The following NOD1 variants were observed in gnomAD, a reference collection of about 807,000 sequenced individuals.
NOD1 encodes the protein nucleotide-binding oligomerization domain-containing protein 1.
NOD1 carries 70 observed loss-of-function variants against 81.2 expected under a neutral mutation model. The ratio of observed to expected loss-of-function variants is 0.86; its 90% confidence interval spans 0.71 to 1.05. The LOEUF is 1.05. Ranked by LOEUF, NOD1 falls within the 50% of genes least tolerant of loss-of-function variation. The pLI is 0.00. For synonymous variants in NOD1, 508 were observed against 526.9 expected, an observed-to-expected ratio of 0.96 and a Z score of 0.49; for missense variants, 1,233 against 1,228.0, an observed-to-expected ratio of 1.00 and a Z score of -0.06.
chr7:30,446,743 T>C, intron 8 of NOD1: 1 of 537,032 alleles, frequency 1.9e-6, no homozygotes, highest in Non-Finnish European at 3.3e-6. Context: ...GCCTAGTAGT[T>C]AATGAAATCA....
chr7:30,466,576 C>G (rs928384204), intron 1 of NOD1, among the ~76,000 whole-genome samples: 1 of 152,158 alleles, frequency 6.6e-6, no homozygotes, highest in African/African-American at 2.4e-5. Flanking sequence ...AGGAGGATCA[C>G]TTGAGCCCAG....
At chr7:30,469,829 G>A (rs1372986510) in intron 1 of NOD1, among the ~76,000 whole-genome samples, 2 of 152,222 alleles carry the variant, frequency 1.3e-5, no homozygotes, top group African/African-American at 2.4e-5. Flanking sequence ...TCCTGGCTGC[G>A]AGACAGTTGC....
At chr7:30,448,213 A>C in intron 7 of NOD1, 85 bp downstream of exon 7, 3 of 1,147,808 alleles carry the variant, frequency 2.6e-6, no homozygotes, top group Non-Finnish European at 4.0e-6. Context: ...CGTGCCGATC[A>C]TCCAGGGACC....
intron 1 of NOD1, among the ~76,000 whole-genome samples, chr7:30,464,215 C>T (rs1375020385): frequency 2.0e-5 from 3 of 152,208 alleles, no homozygotes; most frequent in African/African-American, 4.8e-5. Flanking sequence ...TCCCTTTCCT[C>T]GGCCCGGCCA....
chr7:30,464,442 C>T (rs548395675), intron 1 of NOD1, among the ~76,000 whole-genome samples: 17 of 152,226 alleles, frequency 1.1e-4, no homozygotes, highest in Admixed American at 5.9e-4. Flanking sequence ...GGCCCTGCAA[C>T]GTGCAAGGGC....
At position 30,451,108 on chromosome 7, in the gene NOD1, G is replaced by T; in HGVS notation, c.2201+108C>A. 3.1e-6 allele frequency: 4 copies of T among 1,275,826 alleles called. No homozygotes were observed. The highest frequency in any genetic ancestry group is 2.5e-5 in the East Asian group (1 of 40,544). The allele number at this position is 1,275,826 out of a possible 1,614,324, so 79.0% of individuals were successfully genotyped here. On this transcript the variant is annotated intron_variant, in intron 6 of 13. Transcript: ENST00000222823. The surrounding 1 kb of genome is among the most constrained non-coding windows in gnomAD (Gnocchi z 4.2). ...AAGAAAAGGTCTGGACATTCCAAGG[G>T]CCATGGTCATGAGTCCTGGGGGATC...
At chr7:30,432,065 A>C (rs1367832274) in intron 12 of NOD1, among the ~76,000 whole-genome samples, 3 of 152,208 alleles carry the variant, frequency 2.0e-5, no homozygotes, top group African/African-American at 4.8e-5. Context: ...AGATCATGCC[A>C]CTGCACTCCT....
chr7:30,468,801 T>G, intron 1 of NOD1: 10 of 982,790 alleles, frequency 1.0e-5, no homozygotes, highest in Non-Finnish European at 1.2e-5. Flanking sequence ...TTGAATATGA[T>G]TCATTTTGGT....
Position 30,452,154 on chromosome 7 carries a change from C to T in NOD1, c.1263G>A (p.Leu421=), listed in dbSNP as rs1389084311. 6.2e-7 allele frequency: 1 copy of T among 1,613,896 alleles called. No individual in the cohort carries two copies. The highest frequency in any genetic ancestry group is 8.5e-7 in the Non-Finnish European group (1 of 1,180,044). The change falls in exon 6 of 14, where the codon CTG becomes CTA. Residue 421 remains leucine (L), a synonymous_variant. Coordinates refer to ENST00000222823, the MANE Select transcript of NOD1 (RefSeq NM_006092.4). ...CAGTGACCAGGAGGAAGACATCTGT[C>T]AGGGTCATCGTGCAGTCGGGCAGCT... ...SPQLPDCTMT[L]TDVFLLVTEV... is the part of the protein sequence containing the mutation.
intron 6 of NOD1, among the ~76,000 whole-genome samples, chr7:30,450,574 C>T (rs1785586993): frequency 6.6e-6 from 1 of 152,218 alleles, no homozygotes; most frequent in African/African-American, 2.4e-5. Context: ...AGCATTTTAA[C>T]TGAGGTCTCT....
intron 13 of NOD1, chr7:30,428,556 T>G (rs1783665511): frequency 6.6e-6 from 1 of 152,354 alleles, no homozygotes; most frequent in Non-Finnish European, 1.5e-5. Flanking sequence ...TTTTAAATAT[T>G]GTTGGTTGCA....
At position 30,455,208 on chromosome 7, in the gene NOD1, G is replaced by A. The variant is rs138824111; in HGVS notation, c.305C>T (p.Pro102Leu). 332 of 1,614,170 alleles carry A rather than the reference G, an allele frequency of 2.1e-4. No homozygotes were observed. Among genetic ancestry groups the A allele is most frequent in the Non-Finnish European group, 2.6e-4 (304 of 1,180,042 alleles). Residue 102 changes from proline to leucine, a missense_variant, in exon 5 of 14, where the codon CCT (proline) becomes CTT (leucine). By Grantham distance (98) the Pro-to-Leu change is moderately conservative. Transcript: ENST00000222823. ...QLADAYVDLR[P>L]WLLEIGFSPS... ...GGAGAAGCCGATCTCCAGCAGCCAA[G>A]GCCTGAGGTCCACGTAGGCATCTGC...
In NOD1 at chr7:30,431,403, A is replaced by G. The variant is rs187507400; in HGVS notation, c.2705+1693T>C. 2.0e-3 allele frequency among the ~76,000 whole-genome samples: 301 copies of G among 152,362 alleles called. 1 individual carries two copies. Among genetic ancestry groups the G allele is most frequent in the Admixed American group, 4.8e-3 (74 of 15,304 alleles). On this transcript the variant is annotated intron_variant, in intron 12 of 13. Coordinates refer to ENST00000222823, the MANE Select transcript of NOD1 (RefSeq NM_006092.4). ...AGAACTCACACCTCCTGATTTCAAA[A>G]TGTACTACACAAAGCTACAGCAATG...
intron 6 of NOD1, among the ~76,000 whole-genome samples, chr7:30,449,225 G>A (rs1203530138): frequency 1.3e-5 from 2 of 152,208 alleles, no homozygotes; most frequent in African/African-American, 4.8e-5. Context: ...GATCAAGTCA[G>A]ACACTCTGGA....
Position 30,452,705 on chromosome 7 carries a change from T to A in NOD1, c.712A>T (p.Met238Leu). 1 of 1,613,928 alleles carries A rather than the reference T, an allele frequency of 6.2e-7. No homozygotes were observed. The highest frequency in any genetic ancestry group is 8.5e-7 in the Non-Finnish European group (1 of 1,180,044). ...VKFFFHFRCR[M>L]FSCFKESDRL... is the part of the protein sequence containing the mutation. ...TCACTTTCCTTGAAGCAGCTGAACATGCGGCAGCGAAAGTGGAAGAAGAAT... is the reference window on the plus strand; with the variant it reads ...TCACTTTCCTTGAAGCAGCTGAACAAGCGGCAGCGAAAGTGGAAGAAGAAT... The change falls in exon 6 of 14, where the codon ATG (methionine) becomes TTG (leucine). Residue 238 changes from methionine (M) to leucine (L), a missense_variant. By Grantham distance (15) the Met-to-Leu change is conservative. Coordinates refer to ENST00000222823, the MANE Select transcript of NOD1 (RefSeq NM_006092.4).
chr7:30,431,466 G>A (rs534770484), intron 12 of NOD1, among the ~76,000 whole-genome samples: 1 of 152,346 alleles, frequency 6.6e-6, no homozygotes, highest in South Asian at 2.1e-4. Flanking sequence ...CAATGGACCA[G>A]AACAGAGAAT....
rs1583633415 is a variant in NOD1 at position 30,424,646 on chromosome 7, A to G, written c.*992T>C. 1 of 152,222 alleles carries G rather than the reference A, an allele frequency of 6.6e-6. No individual in the cohort carries two copies. The highest frequency in any genetic ancestry group is 1.9e-4 in the East Asian group (1 of 5,186). The allele number at this position is 152,222 out of a possible 1,614,324, so 9.4% of individuals were successfully genotyped here. On this transcript the variant is annotated 3_prime_UTR_variant, in exon 14 of 14. Transcript: ENST00000222823. Reference sequence around the variant, plus strand: ...AGCCCACCATGGTGGGGGGTGTCCAACATGCTCTGCTGGCCCAGTTCCCAG... The same window carrying G: ...AGCCCACCATGGTGGGGGGTGTCCAGCATGCTCTGCTGGCCCAGTTCCCAG...
At chr7:30,439,698 C>A (rs1784744477) in intron 9 of NOD1, among the ~76,000 whole-genome samples, 2 of 101,018 alleles carry the variant, frequency 2.0e-5, no homozygotes, top group African/African-American at 9.2e-5. Flanking sequence ...CGCCATAGCC[C>A]AGGCTTGCTT....
intron 1 of NOD1, among the ~76,000 whole-genome samples, chr7:30,464,321 C>T (rs1280876096): frequency 6.6e-6 from 1 of 152,180 alleles, no homozygotes; most frequent in South Asian, 2.1e-4. Flanking sequence ...CAGCGTGACC[C>T]GTGGGATAGC....
Sources: gnomAD v4.1 joint callset for allele counts (sites outside exome capture counted in the v4.1 genomes callset) on GRCh38, gnomAD v4.1.1 for gene constraint, Gnocchi (gnomAD v3.1) non-coding constraint, MANE v1.5 for transcripts, NCBI Gene and HGNC (gene_info 2026-07-23, HGNC 2026-07-21) for gene names.